CERS6: variants seen among roughly 807,000 people sequenced by gnomAD.
CERS6 encodes the protein LAG1 homolog, ceramide synthase 6.
Under a neutral mutation model 56.8 loss-of-function variants are expected in CERS6, and 26 were observed. The observed-to-expected ratio is 0.46, with a 90% CI of 0.34 to 0.63. CERS6 has a LOEUF of 0.63. Among genes scored for constraint, CERS6 ranks in the 30% least tolerant of loss-of-function variants. CERS6 has a pLI of 0.01. For missense variants in CERS6, 415 were observed against 467.5 expected (o/e 0.89, Z 1.04); for synonymous variants, 164 against 173.3 (o/e 0.95, Z 0.42).
intron 4 of CERS6, among the ~76,000 whole-genome samples, chr2:168,640,636 G>A (rs1574121067): frequency 6.6e-6 from 1 of 152,222 alleles, no homozygotes; most frequent in East Asian, 1.9e-4. Flanking sequence ...AAGACATGGT[G>A]TCAGATGTAG....
chr2:168,621,331 A>G (rs1382106403), intron 3 of CERS6, among the ~76,000 whole-genome samples: 1 of 152,202 alleles, frequency 6.6e-6, no homozygotes, highest in Non-Finnish European at 1.5e-5. Context: ...ATAGATCAAT[A>G]TTTTATTCCC....
intron 4 of CERS6, among the ~76,000 whole-genome samples, chr2:168,682,480 A>G (rs1262429768): frequency 6.6e-6 from 1 of 152,188 alleles, no homozygotes; most frequent in Non-Finnish European, 1.5e-5. Flanking sequence ...AACTTAAAAT[A>G]TGAATGTGCC....
chr2:168,558,715 A>C (rs1264681897), intron 2 of CERS6, among the ~76,000 whole-genome samples: 9 of 152,192 alleles, frequency 5.9e-5, no homozygotes, highest in Admixed American at 5.9e-4. Context: ...TAAAAATACA[A>C]AAAATTAGCA....
chr2:168,671,252 G>A (rs533899594), intron 4 of CERS6, among the ~76,000 whole-genome samples: 4 of 152,112 alleles, frequency 2.6e-5, no homozygotes, highest in African/African-American at 7.2e-5. Context: ...GACATGAGCC[G>A]CTGGGCCCGG....
intron 2 of CERS6, among the ~76,000 whole-genome samples, chr2:168,560,156 GA>G (rs887314095): frequency 7.9e-5 from 12 of 152,278 alleles, no homozygotes; most frequent in African/African-American, 2.9e-4. Flanking sequence ...AGACAAAAGA[GA>G]ACTTGTGCAG....
intron 8 of CERS6, among the ~76,000 whole-genome samples, chr2:168,764,418 A>G (rs575496742): frequency 8.5e-5 from 13 of 152,334 alleles, no homozygotes; most frequent in African/African-American, 3.1e-4. Flanking sequence ...CTGGGATTAC[A>G]GGCATGAGCC....
At chr2:168,621,370 A>C (rs1684468269) in intron 3 of CERS6, among the ~76,000 whole-genome samples, 1 of 152,222 alleles carries the variant, frequency 6.6e-6, no homozygotes, top group Admixed American at 6.5e-5. Context: ...GACAATTGTT[A>C]GTTGGAAAAT....
Position 168,717,884 on chromosome 2 carries a change from G to A in CERS6, c.751G>A (p.Ala251Thr). The change falls in exon 8 of 10, where the codon GCA (alanine) becomes ACA (threonine). Residue 251 changes from alanine to threonine, a missense_variant. By Grantham distance (58) the Ala-to-Thr change is moderately conservative. Coordinates refer to ENST00000305747, the MANE Select transcript of CERS6 (RefSeq NM_203463.3). ...CTTTCTTTCATAGGCTGCCAAAATGGCAAATTATGCCAAGTTTCAGAAAAT... is the reference window on the plus strand; with the variant it reads ...CTTTCTTTCATAGGCTGCCAAAATGACAAATTATGCCAAGTTTCAGAAAAT... ...ADALLEAAKMANYAKFQKMCD... is the reference protein window; with the variant it reads ...ADALLEAAKMTNYAKFQKMCD... 1 of 1,612,972 alleles carries A rather than the reference G, an allele frequency of 6.2e-7. No homozygotes were observed. The highest frequency in any genetic ancestry group is 8.5e-7 in the Non-Finnish European group (1 of 1,179,420).
At chr2:168,545,233 A>G (rs1695445048) in intron 1 of CERS6, among the ~76,000 whole-genome samples, 1 of 152,216 alleles carries the variant, frequency 6.6e-6, no homozygotes, top group Non-Finnish European at 1.5e-5. Context: ...GCAGAGAGAG[A>G]TTAATTCCTG....
chr2:168,677,583 C>A (rs991168762), intron 4 of CERS6, among the ~76,000 whole-genome samples: 1 of 152,122 alleles, frequency 6.6e-6, no homozygotes, highest in African/African-American at 2.4e-5. Context: ...CCACAACCTC[C>A]ACCTCCCAGG....
At chr2:168,605,818 G>C (rs1373855974) in intron 3 of CERS6, among the ~76,000 whole-genome samples, 1 of 152,184 alleles carries the variant, frequency 6.6e-6, no homozygotes, top group Non-Finnish European at 1.5e-5. Context: ...TAAGAGTTAA[G>C]GCTTGGGGGC....
At chr2:168,648,256 G>A (rs74412810) in intron 4 of CERS6, among the ~76,000 whole-genome samples, 3 of 152,022 alleles carry the variant, frequency 2.0e-5, no homozygotes, top group Non-Finnish European at 2.9e-5. Flanking sequence ...GCGGGTATAT[G>A]TGTCCAGAAG....
chr2:168,528,260 G>C (rs950315666), intron 1 of CERS6, among the ~76,000 whole-genome samples: 2 of 152,194 alleles, frequency 1.3e-5, no homozygotes, highest in African/African-American at 4.8e-5. Flanking sequence ...ACACCCAGCA[G>C]GAGTGTTTTG....
At chr2:168,649,115 G>A (rs189903796) in intron 4 of CERS6, among the ~76,000 whole-genome samples, 1 of 152,192 alleles carries the variant, frequency 6.6e-6, no homozygotes, top group East Asian at 1.9e-4. Context: ...TTTAGAGAAG[G>A]ATGGGTCGTT....
chr2:168,587,735 A>G (rs1683577504), intron 3 of CERS6, among the ~76,000 whole-genome samples: 1 of 151,522 alleles, frequency 6.6e-6, no homozygotes, highest in South Asian at 2.1e-4. Flanking sequence ...TAACATATTA[A>G]TATATAATAT....
At chr2:168,614,701 T>C (rs150112587) in intron 3 of CERS6, among the ~76,000 whole-genome samples, 166 of 152,180 alleles carry the variant, frequency 1.1e-3, no homozygotes, top group African/African-American at 3.7e-3. Flanking sequence ...CCATCCCCCA[T>C]AGCAGCTGCA....
chr2:168,673,576 A>G (rs1262118667), intron 4 of CERS6, among the ~76,000 whole-genome samples: 1 of 152,194 alleles, frequency 6.6e-6, no homozygotes, highest in Non-Finnish European at 1.5e-5. Flanking sequence ...TCCAGCCTCT[A>G]ATTTTATACA....
At chr2:168,664,391 AG>A (rs1480273721) in intron 4 of CERS6, among the ~76,000 whole-genome samples, 4 of 152,176 alleles carry the variant, frequency 2.6e-5, no homozygotes, top group East Asian at 1.9e-4. Flanking sequence ...GTTACAAAAA[AG>A]GGGTCCCAAT....
At chr2:168,593,094 C>G (rs1389737328) in intron 3 of CERS6, among the ~76,000 whole-genome samples, 1 of 152,212 alleles carries the variant, frequency 6.6e-6, no homozygotes, top group Non-Finnish European at 1.5e-5. Context: ...ATCTTCCAAT[C>G]TTTTTCTCTC....
Sources: allele counts gnomAD v4.1 joint callset (sites outside exome capture counted in the v4.1 genomes callset), GRCh38; gene constraint gnomAD v4.1.1; transcripts MANE v1.5; gene names NCBI Gene and HGNC (gene_info 2026-07-23, HGNC 2026-07-21).